The following ZFHX3 variants were observed in gnomAD, a reference collection of about 807,000 sequenced individuals.
The protein encoded by ZFHX3 is zinc finger homeobox protein 3.
Under a neutral mutation model 279.1 loss-of-function variants are expected in ZFHX3, and 42 were observed. That is an observed-to-expected ratio of 0.15 (90% CI 0.12 to 0.19). ZFHX3 has a LOEUF of 0.19. Ranked by LOEUF, ZFHX3 falls within the 10% of genes least tolerant of loss-of-function variation. The probability of loss-of-function intolerance (pLI) is 1.00; values close to 1 mark genes in which losing one functional copy is unlikely to be tolerated. For missense variants in ZFHX3, 4,981 were observed against 4,754.0 expected (o/e 1.05, Z -1.40); for synonymous variants, 2,293 against 1,957.8 (o/e 1.17, Z -4.52).
At chr16:73,308,703 G>A (rs897689843) in intron 4 of ZFHX3, among the ~76,000 whole-genome samples, 3 of 152,018 alleles carry the variant, frequency 2.0e-5, no homozygotes, top group Non-Finnish European at 2.9e-5. Flanking sequence ...TGCATTTATC[G>A]TCAACAATTT....
intron 3 of ZFHX3, among the ~76,000 whole-genome samples, chr16:73,443,815 C>T (rs1467982464): frequency 1.3e-5 from 2 of 152,068 alleles, no homozygotes; most frequent in African/African-American, 2.4e-5. Context: ...AGTGCAGTGG[C>T]GTGATCACAA....
intron 3 of ZFHX3, among the ~76,000 whole-genome samples, chr16:73,363,250 G>C (rs76165025): frequency 1.3e-5 from 2 of 152,222 alleles, no homozygotes; most frequent in Non-Finnish European, 2.9e-5. Context: ...GGATCAAACT[G>C]CTGACCCACA....
chr16:73,583,121 T>C (rs999870572), intron 2 of ZFHX3, among the ~76,000 whole-genome samples: 1 of 152,044 alleles, frequency 6.6e-6, no homozygotes, highest in African/African-American at 2.4e-5. Context: ...CCTTGGAAAA[T>C]ACTTGCAGAA....
chr16:73,251,288 G>T (rs1282851276), intron 5 of ZFHX3, among the ~76,000 whole-genome samples: 3 of 152,144 alleles, frequency 2.0e-5, no homozygotes, highest in Non-Finnish European at 4.4e-5. Context: ...AGTCTCTCTT[G>T]CTAAACAGTG....
chr16:73,406,450 T>A (rs925641883), intron 3 of ZFHX3, among the ~76,000 whole-genome samples: 1 of 152,244 alleles, frequency 6.6e-6, no homozygotes, highest in African/African-American at 2.4e-5. Context: ...CTTTAGGGCC[T>A]GCTTCTGCTT....
chr16:73,143,892 G>T, intron 5 of ZFHX3: 5 of 633,674 alleles, frequency 7.9e-6, no homozygotes, highest in Non-Finnish European at 1.2e-5. Context: ...ACCTTCGCAG[G>T]CCAAGTGGCT....
At chr16:72,907,417 C>A (rs893276231) in intron 3 of ZFHX3, among the ~76,000 whole-genome samples, 2 of 152,202 alleles carry the variant, frequency 1.3e-5, no homozygotes, top group African/African-American at 2.4e-5. Context: ...TAAAAATTAT[C>A]CTCATCATTC....
At chr16:73,328,637 T>C (rs116668891) in intron 3 of ZFHX3, among the ~76,000 whole-genome samples, 2,138 of 152,304 alleles carry the variant, frequency 0.014, 40 homozygotes, top group African/African-American at 0.049. Flanking sequence ...CTCTCTCAGC[T>C]ATTCTATGAT....
chr16:73,500,677 A>AG (rs2019220963), intron 2 of ZFHX3, among the ~76,000 whole-genome samples: 1 of 137,868 alleles, frequency 7.3e-6, no homozygotes. Flanking sequence ...AAAAAAAAAA[A>AG]GAGTTTTAAA....
intron 1 of ZFHX3, among the ~76,000 whole-genome samples, chr16:73,683,740 G>C (rs941442329): frequency 6.6e-6 from 1 of 152,160 alleles, no homozygotes; most frequent in Non-Finnish European, 1.5e-5. Context: ...GACAGCAGCA[G>C]CCATTAAGCC....
intron 7 of ZFHX3, among the ~76,000 whole-genome samples, chr16:73,094,109 C>A (rs997474356): frequency 6.6e-6 from 1 of 152,198 alleles, no homozygotes; most frequent in Admixed American, 6.5e-5. Flanking sequence ...CGCTCAATAG[C>A]TTTCTTATAG....
At chr16:73,269,696 C>T (rs2014087446) in intron 4 of ZFHX3, among the ~76,000 whole-genome samples, 1 of 151,926 alleles carries the variant, frequency 6.6e-6, no homozygotes, top group African/African-American at 2.4e-5. Context: ...CTTGGTCCTT[C>T]ATCATATATT....
At position 72,795,539 on chromosome 16, in the gene ZFHX3, G is replaced by A; in HGVS notation, c.7143C>T (p.Ser2381=). Residue 2381 remains serine, a synonymous_variant, in exon 9 of 10, where the codon TCC becomes TCT. Coordinates refer to ENST00000268489, the MANE Select transcript of ZFHX3 (RefSeq NM_006885.4). ...CCTGTGAGGGCATCGGGGTACTGCA[G>A]GATGAGCTGGTAGGCGTCAGGATTT... The part of the protein sequence containing the change: ...AMEILTPTSS[S]CSTPMPSQAY... 1 of 1,614,158 alleles carries A rather than the reference G, an allele frequency of 6.2e-7. No homozygotes were observed. Among genetic ancestry groups the A allele is most frequent in the Non-Finnish European group, 8.5e-7 (1 of 1,180,038 alleles).
At chr16:73,434,062 T>A (rs2017955668) in intron 3 of ZFHX3, among the ~76,000 whole-genome samples, 1 of 152,194 alleles carries the variant, frequency 6.6e-6, no homozygotes, top group Non-Finnish European at 1.5e-5. Context: ...TTTGTAACTC[T>A]ATCAGGACTA....
intron 2 of ZFHX3, among the ~76,000 whole-genome samples, chr16:73,479,241 A>C (rs1282510247): frequency 6.6e-6 from 1 of 152,102 alleles, no homozygotes; most frequent in African/African-American, 2.4e-5. Context: ...GAGCTGCCAT[A>C]TTTATTCATT....
intron 1 of ZFHX3, among the ~76,000 whole-genome samples, chr16:73,691,789 A>G (rs1342292954): frequency 6.6e-6 from 1 of 152,218 alleles, no homozygotes; most frequent in African/African-American, 2.4e-5. Flanking sequence ...CTTTCAAGTT[A>G]TATAAGGTAG....
chr16:73,374,382 T>C (rs13338392), intron 3 of ZFHX3, among the ~76,000 whole-genome samples: 152 of 32,190 alleles, frequency 4.7e-3, no homozygotes, highest in Middle Eastern at 0.018. Context: ...GCTTGGTCAT[T>C]GGCCATTCAA....
intron 8 of ZFHX3, among the ~76,000 whole-genome samples, chr16:73,076,503 T>A (rs1372669263): frequency 6.6e-6 from 1 of 152,160 alleles, no homozygotes; most frequent in African/African-American, 2.4e-5. Context: ...GATTAATAGT[T>A]TAGAATGATG....
At chr16:73,472,839 C>T (rs2018693002) in intron 2 of ZFHX3, among the ~76,000 whole-genome samples, 1 of 152,134 alleles carries the variant, frequency 6.6e-6, no homozygotes, top group South Asian at 2.1e-4. Flanking sequence ...GCAGGTCTCG[C>T]CCAGCCCAGA....
Sources: gnomAD v4.1 joint callset for allele counts (sites outside exome capture counted in the v4.1 genomes callset) on GRCh38, gnomAD v4.1.1 for gene constraint, MANE v1.5 for transcripts, NCBI Gene and HGNC (gene_info 2026-07-23, HGNC 2026-07-21) for gene names.